Variants in GRIA3 observed in about 807,000 individuals in gnomAD.
The protein encoded by GRIA3 is glutamate receptor 3.
In GRIA3, 3 loss-of-function variants were observed where a neutral mutation model predicts 63.0. The ratio of observed to expected loss-of-function variants is 0.05; its 90% CI spans 0.02 to 0.12. GRIA3 has a LOEUF of 0.12. Ranked by LOEUF, GRIA3 falls within the 10% of genes least tolerant of loss-of-function variation. The pLI is 1.00. For synonymous variants in GRIA3, 274 were observed against 257.9 expected (o/e 1.06, Z -0.60); for missense variants, 347 against 700.9 (o/e 0.50, Z 5.70).
intron 4 of GRIA3, among the ~76,000 whole-genome samples, chrX:123,354,351 C>A (rs1254627214): frequency 9.0e-6 from 1 of 111,624 alleles, no homozygotes; most frequent in East Asian, 2.8e-4. Flanking sequence ...ATGATCAGCA[C>A]CAAAAGATGT....
At chrX:123,223,382 C>T (rs2044228943) in intron 2 of GRIA3, among the ~76,000 whole-genome samples, 1 of 112,780 alleles carries the variant, frequency 8.9e-6, no homozygotes, top group African/African-American at 3.2e-5. Context: ...GCCAGAAAGA[C>T]CAATATAGTG....
chrX:123,195,331 C>T (rs941379772), intron 2 of GRIA3, among the ~76,000 whole-genome samples: 10 of 112,227 alleles, frequency 8.9e-5, no homozygotes, highest in Admixed American at 6.6e-4. Flanking sequence ...ACTCTCATCC[C>T]CATTTTCTAA....
chrX:123,201,110 C>T (rs1445272841), intron 2 of GRIA3, among the ~76,000 whole-genome samples: 3 of 112,055 alleles, frequency 2.7e-5, no homozygotes, highest in Non-Finnish European at 5.6e-5. Flanking sequence ...AGATTAGTTG[C>T]CATTATTATT....
chrX:123,317,286 T>C (rs1195850665), intron 3 of GRIA3, among the ~76,000 whole-genome samples: 1 of 111,303 alleles, frequency 9.0e-6, no homozygotes, highest in East Asian at 2.8e-4. Context: ...CATATCATTC[T>C]GCCCTGGCCT....
intron 2 of GRIA3, among the ~76,000 whole-genome samples, chrX:123,198,786 AT>A (rs1319852426): frequency 8.9e-6 from 1 of 111,971 alleles, no homozygotes; most frequent in African/African-American, 3.2e-5. Context: ...ACTGGACATG[AT>A]TTGGGTAAAG....
chrX:123,258,231 T>C (rs968485246), intron 3 of GRIA3, among the ~76,000 whole-genome samples: 17 of 112,592 alleles, frequency 1.5e-4, no homozygotes, highest in Non-Finnish European at 3.0e-4. Context: ...CACTGATTAA[T>C]AGTCTTTCTC....
intron 2 of GRIA3, among the ~76,000 whole-genome samples, chrX:123,206,241 A>T (rs1927883971): frequency 8.9e-6 from 1 of 111,987 alleles, no homozygotes; most frequent in African/African-American, 3.2e-5. Flanking sequence ...GCCTGCTGCA[A>T]GTACTTGGAT....
chrX:123,200,893 C>A (rs766378516), intron 2 of GRIA3, among the ~76,000 whole-genome samples: 1 of 111,652 alleles, frequency 9.0e-6, no homozygotes, highest in African/African-American at 3.2e-5. Context: ...TATAACTCAA[C>A]AGGCAGTATA....
intron 10 of GRIA3, among the ~76,000 whole-genome samples, chrX:123,410,229 A>G (rs1236984209): frequency 1.8e-5 from 2 of 111,532 alleles, no homozygotes; most frequent in Non-Finnish European, 3.8e-5. Context: ...GTCAGGAGAA[A>G]GGCTAAAAGG....
chrX:123,278,503 C>T (rs1282432641), intron 3 of GRIA3, among the ~76,000 whole-genome samples: 1 of 112,055 alleles, frequency 8.9e-6, no homozygotes, highest in Non-Finnish European at 1.9e-5. Flanking sequence ...TTGCCTACAC[C>T]AATGTCCTGA....
At position 123,216,258 on chromosome X, in the gene GRIA3, T is replaced by C. The variant is rs192524873; in HGVS notation, c.268+30268T>C. On this transcript the variant is annotated intron_variant, in intron 2 of 15. Transcript: ENST00000620443. ...CCATCGTTATTTTTCAAAACCAATT[T>C]CCTAACTGTTGCATGACAATCAGCA... 3.6e-5 allele frequency among the ~76,000 whole-genome samples: 4 copies of C among 111,769 alleles called. No individual in the cohort carries two copies. In the Admixed American group the frequency reaches 3.8e-4, roughly 11 times the overall value.
chrX:123,479,157 T>A (rs1405309908), intron 13 of GRIA3, among the ~76,000 whole-genome samples: 2 of 112,812 alleles, frequency 1.8e-5, no homozygotes, highest in African/African-American at 6.4e-5. Flanking sequence ...AGTCTTATCT[T>A]ACTAGAACAA....
intron 10 of GRIA3, among the ~76,000 whole-genome samples, chrX:123,406,664 G>A (rs1051826537): frequency 9.0e-6 from 1 of 111,655 alleles, no homozygotes; most frequent in Non-Finnish European, 1.9e-5. Flanking sequence ...CTCCATCTAC[G>A]GGCCTGGAGC....
At position 123,275,126 on chromosome X, in the gene GRIA3, CAATAAT is replaced by C. The variant is rs1024654214; in HGVS notation, c.508+21590_508+21595del. ...TGAGTAGCAATAACAAGGATAATAA[CAATAAT>C]AATAACAATAATAATATAACAATAT... On this transcript the variant is annotated intron_variant, in intron 3 of 15. Coordinates refer to ENST00000620443, the MANE Select transcript of GRIA3 (RefSeq NM_007325.5). 3.6e-5 allele frequency among the ~76,000 whole-genome samples: 4 copies of C among 111,069 alleles called. No homozygotes were observed. The Admixed American group carries it at 3.8e-4, about 11-fold the overall frequency.
rs965844215 is a variant in GRIA3, at chrX:123,490,463, G to A, written c.*1753G>A. ...TATGAATGCTATAATGTCCCAGCGC[G>A]GGAAGCTCACGCTGTGTGAACATGA... is the stretch of plus-strand genomic sequence containing the variant. On this transcript the variant is annotated 3_prime_UTR_variant, in exon 16 of 16. Transcript: ENST00000620443. 2.7e-5 allele frequency: 3 copies of A among 112,178 alleles called. No homozygotes were observed. The highest frequency in any genetic ancestry group is 9.5e-5 in the Admixed American group (1 of 10,534). 9.2% of individuals were successfully genotyped at this position (112,178 alleles called of 1,213,427 possible). A position where few individuals can be genotyped will look rare whatever the true frequency, so the allele number is the denominator to read the frequency against.
intron 5 of GRIA3, among the ~76,000 whole-genome samples, chrX:123,384,816 G>A (rs750846952): frequency 4.7e-4 from 52 of 111,474 alleles, no homozygotes; most frequent in African/African-American, 1.5e-3. Context: ...GTGTCTGTTC[G>A]TGTCCTTTGT....
chrX:123,313,664 T>G (rs1401934218), intron 3 of GRIA3, among the ~76,000 whole-genome samples: 2 of 111,923 alleles, frequency 1.8e-5, no homozygotes, highest in Non-Finnish European at 3.8e-5. Context: ...CTGAAGAATG[T>G]TCCCAGATAA....
At chrX:123,421,184 T>C (rs1289435863) in intron 11 of GRIA3, among the ~76,000 whole-genome samples, 1 of 112,103 alleles carries the variant, frequency 8.9e-6, no homozygotes, top group Non-Finnish European at 1.9e-5. Context: ...ATGAGCTCTA[T>C]GTTTTCCACC....
At position 123,366,319 on chromosome X, in the gene GRIA3, C is replaced by T. The variant is rs957016897; in HGVS notation, c.750+11356C>T. Among the ~76,000 whole-genome samples, 4 of 111,209 alleles carry T rather than the reference C, an allele frequency of 3.6e-5. 1 individual carries two copies. Among genetic ancestry groups the T allele is most frequent in the Non-Finnish European group, 1.9e-5 (1 of 53,051 alleles). On this transcript the variant is annotated intron_variant, in intron 5 of 15. Coordinates refer to ENST00000620443, the MANE Select transcript of GRIA3 (RefSeq NM_007325.5). ...AATGCCTCTGACATTTCTCCTCTCC[C>T]TTTTATAAGAGAACCTTTAATCCTA...
Sources: allele counts gnomAD v4.1 joint callset (sites outside exome capture counted in the v4.1 genomes callset), GRCh38; gene constraint gnomAD v4.1.1; transcripts MANE v1.5; gene names NCBI Gene and HGNC (gene_info 2026-07-23, HGNC 2026-07-21).